KCND2: variants seen among roughly 807,000 people sequenced by gnomAD.
KCND2 encodes the protein potassium voltage-gated channel subfamily D member 2, also known as A-type voltage-gated potassium channel KCND2.
KCND2 carries 16 observed loss-of-function variants against 54.4 expected under a neutral mutation model. The observed-to-expected ratio is 0.29, with a 90% confidence interval of 0.20 to 0.45. The LOEUF is 0.45. Among genes scored for constraint, KCND2 ranks in the 20% least tolerant of loss-of-function variants. The pLI, the probability that KCND2 is intolerant of heterozygous loss-of-function variation, is 1.00. For synonymous variants in KCND2, 317 were observed against 310.7 expected, an observed-to-expected ratio of 1.02 and a Z score of -0.21; for missense variants, 486 against 824.2, an observed-to-expected ratio of 0.59 and a Z score of 5.02.
At chr7:120,635,079 TTCTTCTGC>T (rs1793287517) in intron 1 of KCND2, among the ~76,000 whole-genome samples, 1 of 152,238 alleles carries the variant, frequency 6.6e-6, no homozygotes. Flanking sequence ...CTAGGGTAGA[TTCTTCTGC>T]TAGTAAATAA....
At chr7:120,731,467 G>A (rs1198439217) in intron 1 of KCND2, among the ~76,000 whole-genome samples, 2 of 152,180 alleles carry the variant, frequency 1.3e-5, no homozygotes, top group East Asian at 3.8e-4. Flanking sequence ...CAGATGGCCA[G>A]TGTGGCCAGA....
chr7:120,453,213 G>A (rs75677061), intron 1 of KCND2, among the ~76,000 whole-genome samples: 4,062 of 152,234 alleles, frequency 0.027, 85 homozygotes, highest in Non-Finnish European at 0.045. Context: ...CCCCACCACT[G>A]TGCGCATGTA....
chr7:120,401,915 C>G (rs1801259814), intron 1 of KCND2, among the ~76,000 whole-genome samples: 1 of 152,134 alleles, frequency 6.6e-6, no homozygotes, highest in African/African-American at 2.4e-5. Flanking sequence ...TACCCCACCA[C>G]TCTTTTTAAG....
intron 1 of KCND2, among the ~76,000 whole-genome samples, chr7:120,314,337 A>G (rs1471938263): frequency 1.3e-5 from 2 of 152,082 alleles, no homozygotes; most frequent in African/African-American, 2.4e-5. Flanking sequence ...CATCTCAAAA[A>G]AAAAAAAAAA....
intron 1 of KCND2, among the ~76,000 whole-genome samples, chr7:120,616,389 C>T (rs937846868): frequency 6.6e-6 from 1 of 152,068 alleles, no homozygotes; most frequent in Non-Finnish European, 1.5e-5. Context: ...ATAGGGCTAA[C>T]CATAAACAGA....
chr7:120,304,726 TC>T (rs1283430386), intron 1 of KCND2, among the ~76,000 whole-genome samples: 9 of 152,194 alleles, frequency 5.9e-5, no homozygotes, highest in Non-Finnish European at 1.3e-4. Context: ...CTCTCTCTAT[TC>T]CTCCCTTTCT....
chr7:120,707,681 G>A (rs1792486864), intron 1 of KCND2, among the ~76,000 whole-genome samples: 1 of 152,070 alleles, frequency 6.6e-6, no homozygotes, highest in Non-Finnish European at 1.5e-5. Context: ...TGGTTGGGGT[G>A]CATGACAGAT....
At chr7:120,551,652 T>A (rs1425658516) in intron 1 of KCND2, among the ~76,000 whole-genome samples, 1 of 152,236 alleles carries the variant, frequency 6.6e-6, no homozygotes, top group African/African-American at 2.4e-5. Context: ...GTCAAATGAT[T>A]CCTTAATAGG....
At chr7:120,643,325 G>A (rs1793400280) in intron 1 of KCND2, among the ~76,000 whole-genome samples, 1 of 152,084 alleles carries the variant, frequency 6.6e-6, no homozygotes, top group South Asian at 2.1e-4. Flanking sequence ...AACATAGAAT[G>A]AGAAATATTC....
intron 1 of KCND2, among the ~76,000 whole-genome samples, chr7:120,356,472 C>T (rs1008450630): frequency 1.3e-5 from 2 of 151,882 alleles, no homozygotes; most frequent in African/African-American, 4.8e-5. Context: ...ATCATATGTC[C>T]GGCAGTAGTA....
At chr7:120,549,800 C>A (rs149907470) in intron 1 of KCND2, among the ~76,000 whole-genome samples, 45 of 152,122 alleles carry the variant, frequency 3.0e-4, no homozygotes, top group African/African-American at 1.0e-3. Context: ...AACAAGTGCT[C>A]CATGAAGTAA....
chr7:120,596,803 G>A (rs781630968), intron 1 of KCND2, among the ~76,000 whole-genome samples: 1 of 152,130 alleles, frequency 6.6e-6, no homozygotes, highest in Non-Finnish European at 1.5e-5. Context: ...TGAAGTTCAT[G>A]GTCTACATGG....
intron 1 of KCND2, among the ~76,000 whole-genome samples, chr7:120,523,283 A>T (rs911481180): frequency 6.6e-6 from 1 of 152,176 alleles, no homozygotes; most frequent in Non-Finnish European, 1.5e-5. Flanking sequence ...AAATAATTTT[A>T]TGCAAAAATA....
chr7:120,588,995 A>T (rs1237031759), intron 1 of KCND2, among the ~76,000 whole-genome samples: 3 of 152,194 alleles, frequency 2.0e-5, no homozygotes, highest in Non-Finnish European at 2.9e-5. Flanking sequence ...TTCATAAATG[A>T]AAGCAATAAA....
chr7:120,278,173 G>A (rs1584708128), intron 1 of KCND2, among the ~76,000 whole-genome samples: 1 of 151,846 alleles, frequency 6.6e-6, no homozygotes, highest in African/African-American at 2.4e-5. Context: ...TCATCAAAAT[G>A]TATTATGTAT....
At chr7:120,418,643 G>A (rs1652533587) in intron 1 of KCND2, among the ~76,000 whole-genome samples, 1 of 152,088 alleles carries the variant, frequency 6.6e-6, no homozygotes, top group South Asian at 2.1e-4. Context: ...TAGTTCCCAG[G>A]TGGTGTTTAT....
chr7:120,521,860 G>A (rs546788420), intron 1 of KCND2, among the ~76,000 whole-genome samples: 2 of 152,172 alleles, frequency 1.3e-5, no homozygotes, highest in Admixed American at 1.3e-4. Flanking sequence ...TAATCTATTG[G>A]GTAGGTTGGG....
At chr7:120,282,524 A>G (rs1799281663) in intron 1 of KCND2, among the ~76,000 whole-genome samples, 1 of 152,160 alleles carries the variant, frequency 6.6e-6, no homozygotes, top group African/African-American at 2.4e-5. Context: ...AATTTTGACA[A>G]GTCTATTATG....
chr7:120,319,771 C>G (rs577840491), intron 1 of KCND2, among the ~76,000 whole-genome samples: 2 of 152,114 alleles, frequency 1.3e-5, no homozygotes, highest in Admixed American at 1.3e-4. Context: ...GGTATTTTTT[C>G]CATTCTTAAT....
Sources: gnomAD v4.1 joint callset for allele counts (sites outside exome capture counted in the v4.1 genomes callset) on GRCh38, gnomAD v4.1.1 for gene constraint, MANE v1.5 for transcripts, NCBI Gene and HGNC (gene_info 2026-07-23, HGNC 2026-07-21) for gene names.